KCNH7: variants seen among roughly 807,000 people sequenced by gnomAD.
KCNH7 encodes the protein voltage-gated inwardly rectifying potassium channel KCNH7.
A neutral mutation model predicts 120.8 loss-of-function variants in KCNH7; 49 were observed. The observed-to-expected ratio is 0.41, with a 90% CI of 0.32 to 0.51. The LOEUF is 0.51. Ranked by LOEUF, KCNH7 falls within the 20% of genes least tolerant of loss-of-function variation. KCNH7 has a pLI of 0.38. For synonymous variants in KCNH7, 547 were observed against 516.1 expected (o/e 1.06, Z -0.81); for missense variants, 1,097 against 1,446.6 (o/e 0.76, Z 3.92).
intron 2 of KCNH7, among the ~76,000 whole-genome samples, chr2:162,655,716 C>G (rs1468914452): frequency 6.6e-6 from 1 of 152,120 alleles, no homozygotes; most frequent in Non-Finnish European, 1.5e-5. Context: ...TTGCTTGAAC[C>G]TGGGAGGCGG....
chr2:162,799,896 A>G (rs538217740), intron 2 of KCNH7, among the ~76,000 whole-genome samples: 34 of 151,838 alleles, frequency 2.2e-4, no homozygotes, highest in Non-Finnish European at 4.3e-4. Context: ...ACCAGTGCTT[A>G]TGGAAGTGTA....
At position 162,713,200 on chromosome 2, in the gene KCNH7, G is replaced by A. The variant is rs918423623; in HGVS notation, c.307+123337C>T. 1.6e-4 allele frequency among the ~76,000 whole-genome samples: 24 copies of A among 152,226 alleles called. 1 individual carries two copies. The highest frequency in any genetic ancestry group is 1.4e-3 in the East Asian group (7 of 5,168). On this transcript the variant is annotated intron_variant, in intron 2 of 15. Coordinates refer to ENST00000332142, the MANE Select transcript of KCNH7 (RefSeq NM_033272.4). Reference sequence around the variant, plus strand: ...ATTGGAAAAAGCAGACATAGACGACGTATTTACTGCAAGAGACAACAGGGA... The same window carrying A: ...ATTGGAAAAAGCAGACATAGACGACATATTTACTGCAAGAGACAACAGGGA...
intron 2 of KCNH7, among the ~76,000 whole-genome samples, chr2:162,763,970 G>A (rs936731518): frequency 1.3e-5 from 2 of 151,988 alleles, no homozygotes; most frequent in African/African-American, 4.8e-5. Flanking sequence ...TGTGTGAAAT[G>A]TGTGTTTGTG....
At chr2:162,820,597 T>C (rs1685086027) in intron 2 of KCNH7, among the ~76,000 whole-genome samples, 1 of 152,166 alleles carries the variant, frequency 6.6e-6, no homozygotes, top group Non-Finnish European at 1.5e-5. Flanking sequence ...GGAGAAGATA[T>C]ATAGTGGCTA....
chr2:162,575,173 G>A (rs1164966736), intron 2 of KCNH7, among the ~76,000 whole-genome samples: 1 of 152,058 alleles, frequency 6.6e-6, no homozygotes, highest in Non-Finnish European at 1.5e-5. Context: ...ATGCATGGGA[G>A]GGTTGAGAGC....
intron 2 of KCNH7, among the ~76,000 whole-genome samples, chr2:162,630,493 C>A (rs11894317): frequency 6.6e-6 from 1 of 151,406 alleles, no homozygotes; most frequent in Non-Finnish European, 1.5e-5. Flanking sequence ...AAAAAAAAGA[C>A]GCAAGAAAAG....
chr2:162,785,502 C>CT (rs1231275985), intron 2 of KCNH7, among the ~76,000 whole-genome samples: 1 of 151,936 alleles, frequency 6.6e-6, no homozygotes, highest in Non-Finnish European at 1.5e-5. Context: ...ACTGACTTTA[C>CT]TTTTTTATAA....
intron 14 of KCNH7, among the ~76,000 whole-genome samples, chr2:162,374,981 A>G (rs1236103039): frequency 6.6e-6 from 1 of 152,150 alleles, no homozygotes; most frequent in Non-Finnish European, 1.5e-5. Context: ...TATGCTTCCA[A>G]CTAAACTAAG....
chr2:162,766,468 C>A (rs1682810709), intron 2 of KCNH7, among the ~76,000 whole-genome samples: 1 of 152,092 alleles, frequency 6.6e-6, no homozygotes, highest in Non-Finnish European at 1.5e-5. Context: ...TTTGTTGTCA[C>A]AATAATTTCT....
intron 6 of KCNH7, among the ~76,000 whole-genome samples, chr2:162,492,397 C>A (rs547227885): frequency 6.6e-6 from 1 of 152,286 alleles, no homozygotes; most frequent in South Asian, 2.1e-4. Context: ...CTTGTAACCA[C>A]GTGGCAGTAC....
chr2:162,631,941 C>T (rs2105218717), intron 2 of KCNH7, among the ~76,000 whole-genome samples: 1 of 151,904 alleles, frequency 6.6e-6, no homozygotes, highest in East Asian at 1.9e-4. Context: ...AGAATCATTC[C>T]TAATGGTTAA....
At chr2:162,568,204 T>TG (rs1693326131) in intron 2 of KCNH7, among the ~76,000 whole-genome samples, 1 of 151,924 alleles carries the variant, frequency 6.6e-6, no homozygotes, top group Admixed American at 6.6e-5. Flanking sequence ...GAGAACAACA[T>TG]GGGGGGAACC....
intron 2 of KCNH7, among the ~76,000 whole-genome samples, chr2:162,687,979 T>A (rs1685956256): frequency 6.6e-6 from 1 of 152,086 alleles, no homozygotes; most frequent in Non-Finnish European, 1.5e-5. Context: ...AAAAAGCAAA[T>A]TTACTAGTGA....
chr2:162,582,109 A>G (rs1693889219), intron 2 of KCNH7, among the ~76,000 whole-genome samples: 1 of 152,104 alleles, frequency 6.6e-6, no homozygotes. Context: ...TTCCCCGTGC[A>G]GTCTGAGATT....
intron 2 of KCNH7, among the ~76,000 whole-genome samples, chr2:162,636,364 T>C (rs565381405): frequency 9.2e-5 from 14 of 152,272 alleles, no homozygotes; most frequent in African/African-American, 3.4e-4. Flanking sequence ...AGTCATTGTA[T>C]CTGTTGCCAA....
At chr2:162,762,270 T>C (rs912428475) in intron 2 of KCNH7, among the ~76,000 whole-genome samples, 3 of 151,956 alleles carry the variant, frequency 2.0e-5, no homozygotes, top group African/African-American at 7.2e-5. Context: ...AACATATATA[T>C]GTATATATAC....
chr2:162,795,765 T>A (rs1684123072), intron 2 of KCNH7: 1 of 152,080 alleles, frequency 6.6e-6, no homozygotes, highest in African/African-American at 2.4e-5. Context: ...ATAAATAATT[T>A]AAGATACTTG....
At chr2:162,592,661 C>T (rs1231950036) in intron 2 of KCNH7, among the ~76,000 whole-genome samples, 1 of 152,012 alleles carries the variant, frequency 6.6e-6, no homozygotes, top group Non-Finnish European at 1.5e-5. Context: ...CCTTTGTTTA[C>T]TTACCAGAGA....
chr2:162,609,673 C>T (rs1368649004), intron 2 of KCNH7, among the ~76,000 whole-genome samples: 3 of 152,134 alleles, frequency 2.0e-5, no homozygotes, highest in African/African-American at 7.2e-5. Context: ...AAACTTCTTA[C>T]TGGTTTTTCC....
Sources: allele counts gnomAD v4.1 joint callset (sites outside exome capture counted in the v4.1 genomes callset), GRCh38; gene constraint gnomAD v4.1.1; transcripts MANE v1.5; gene names NCBI Gene and HGNC (gene_info 2026-07-23, HGNC 2026-07-21).